The following CPAMD8 variants were observed in gnomAD, a reference collection of about 807,000 sequenced individuals.
CPAMD8 encodes C3 and PZP like alpha-2-macroglobulin domain containing 8, also known as C3 and PZP-like alpha-2-macroglobulin domain-containing protein 8.
CPAMD8 carries 146 observed loss-of-function variants against 224.7 expected under a neutral mutation model. The ratio of observed to expected loss-of-function variants is 0.65; its 90% CI spans 0.57 to 0.75. CPAMD8 has a LOEUF of 0.75. CPAMD8 is among the 30% of genes least tolerant of loss of function. The probability of loss-of-function intolerance (pLI) is 0.00; values close to 1 mark genes in which losing one functional copy is unlikely to be tolerated. For synonymous variants in CPAMD8, 966 were observed against 1,044.6 expected, an observed-to-expected ratio of 0.92 and a Z score of 1.45; for missense variants, 2,301 against 2,537.5, an observed-to-expected ratio of 0.91 and a Z score of 2.00.
intron 3 of CPAMD8, 105 bp from the exon 4 acceptor site, chr19:17,011,862 A>G (rs1052746661): frequency 1.5e-5 from 20 of 1,313,298 alleles, no homozygotes; most frequent in Middle Eastern, 2.0e-4. Context: ...TCACCCCAGG[A>G]GTGACTGTGC....
intron 22 of CPAMD8, among the ~76,000 whole-genome samples, chr19:16,943,003 TC>T (rs2053952352): frequency 1.4e-5 from 2 of 140,794 alleles, no homozygotes; most frequent in African/African-American, 2.8e-5. Context: ...TTTTCTTTTT[TC>T]TTTTTTCTTT....
At chr19:16,971,161 ATTC>A (rs1437518773) in intron 17 of CPAMD8, 128 bp from the exon 18 acceptor site, 4 of 796,804 alleles carry the variant, frequency 5.0e-6, no homozygotes, top group African/African-American at 1.8e-5. Flanking sequence ...TGGGGGCATC[ATTC>A]TTTTTTTGCT....
chr19:16,895,883 A>G (rs778490027), intron 41 of CPAMD8: 11 of 547,288 alleles, frequency 2.0e-5, no homozygotes, highest in Non-Finnish European at 3.5e-5. Context: ...CTTGACCCGT[A>G]TGCGCGCGCG....
intron 27 of CPAMD8, among the ~76,000 whole-genome samples, chr19:16,917,728 G>A (rs1057287810): frequency 1.3e-5 from 2 of 152,148 alleles, no homozygotes; most frequent in Admixed American, 6.5e-5. Context: ...GAAACAGAGC[G>A]AGATCTTGTC....
intron 13 of CPAMD8, among the ~76,000 whole-genome samples, chr19:16,987,203 T>TAC (rs1249857735): frequency 3.1e-5 from 4 of 128,444 alleles, no homozygotes; most frequent in African/African-American, 8.9e-5. Context: ...TATATATATA[T>TAC]ATATATGTAT....
chr19:16,912,550 A>G (rs1431706828), intron 29 of CPAMD8, among the ~76,000 whole-genome samples: 1 of 152,156 alleles, frequency 6.6e-6, no homozygotes. Context: ...GGAGTTTGAG[A>G]CCAGCCTGGC....
chr19:16,918,747 CTTTTTTTT>C (rs3029467), intron 27 of CPAMD8, among the ~76,000 whole-genome samples: 1 of 127,510 alleles, frequency 7.8e-6, no homozygotes, highest in Non-Finnish European at 1.6e-5. Flanking sequence ...CACACCCAGA[CTTTTTTTT>C]TTTTTTTTTT....
chr19:17,007,143 G>C (rs1193323916), intron 7 of CPAMD8, among the ~76,000 whole-genome samples: 2 of 152,034 alleles, frequency 1.3e-5, no homozygotes, highest in Non-Finnish European at 2.9e-5. Flanking sequence ...AGACCAGCCT[G>C]GCCAACATGG....
At chr19:16,943,034 G>T (rs574802553) in intron 22 of CPAMD8, among the ~76,000 whole-genome samples, 5 of 140,540 alleles carry the variant, frequency 3.6e-5, no homozygotes, top group Non-Finnish European at 7.5e-5. Flanking sequence ...TTGAGACAGG[G>T]TCTGGCTCTC....
chr19:16,893,309 G>C lies in CPAMD8; in HGVS notation c.5457C>G (p.Ser1819Arg). The change falls in exon 42 of 42, where the codon AGC becomes AGG. Residue 1819 changes from serine (S) to arginine (R), a missense_variant. Physicochemically the swap from Ser to Arg is moderately radical, Grantham distance 110. Around this residue, in one of 4 missense-constraint regions of CPAMD8, gnomAD observed 1,709 missense variants for 1,753.2 expected, o/e 0.97. Transcript: ENST00000443236. ...GGGTGCTGCTTTCCAGGTTCCCGCT[G>C]CTCACAGGAGGCCGAGGCCCGGCTG... ...RVTAGPRPPV[S>R]SGNLESSTQS... 6.5e-7 allele frequency: 1 copy of C among 1,545,630 alleles called. No homozygotes were observed. The highest frequency in any genetic ancestry group is 8.7e-7 in the Non-Finnish European group (1 of 1,143,802).
At chr19:16,998,748 G>GAATATAAAAAA (rs2056214392) in intron 10 of CPAMD8, among the ~76,000 whole-genome samples, 2 of 152,154 alleles carry the variant, frequency 1.3e-5, no homozygotes, top group Admixed American at 6.6e-5. Flanking sequence ...ATAAAATAGT[G>GAATATAAAAAA]CAGCCACATT....
chr19:16,913,642 G>T lies in CPAMD8; in HGVS notation c.3861+782C>A, dbSNP rs566084147. On this transcript the variant is annotated intron_variant, in intron 29 of 41. Transcript: ENST00000443236. ...CAGCCCAAGCTAAGACAGGGCATTA[G>T]GAATTCAGCATAAGAATTTGGTCAG... Among the ~76,000 whole-genome samples the T allele has an allele frequency of 2.1e-4, 32 of 152,218 alleles. No individual in the cohort carries two copies. In the East Asian group the frequency reaches 6.0e-3, roughly 29 times the overall value.
intron 3 of CPAMD8, among the ~76,000 whole-genome samples, chr19:17,012,152 G>A (rs1376781713): frequency 6.6e-6 from 1 of 151,698 alleles, no homozygotes; most frequent in Non-Finnish European, 1.5e-5. Flanking sequence ...CTGAGTAGAT[G>A]GGATTACAGG....
At chr19:16,975,859 C>G in intron 16 of CPAMD8, 143 bp downstream of exon 16, 1 of 807,802 alleles carries the variant, frequency 1.2e-6, no homozygotes, top group African/African-American at 1.8e-5. Flanking sequence ...CATTAGGTTC[C>G]CTGAAAAATG....
intron 17 of CPAMD8, among the ~76,000 whole-genome samples, chr19:16,973,078 A>G (rs1433933099): frequency 6.6e-6 from 1 of 152,090 alleles, no homozygotes; most frequent in Non-Finnish European, 1.5e-5. Context: ...CTGAGGCAGG[A>G]GGATCGCTTG....
At chr19:17,013,008 C>T (rs2056703144) in intron 3 of CPAMD8, among the ~76,000 whole-genome samples, 1 of 151,726 alleles carries the variant, frequency 6.6e-6, no homozygotes, top group South Asian at 2.1e-4. Context: ...CATGGCAAAA[C>T]CCCATCTCTA....
At chr19:16,907,611 A>AG (rs1480200509) in intron 29 of CPAMD8, 2 of 150,622 alleles carry the variant, frequency 1.3e-5, no homozygotes, top group Non-Finnish European at 3.0e-5. Context: ...CGTCTCAAAA[A>AG]AAAAAAAAAA....
intron 13 of CPAMD8, among the ~76,000 whole-genome samples, chr19:16,982,687 A>T (rs934500868): frequency 2.6e-5 from 4 of 152,094 alleles, no homozygotes; most frequent in Non-Finnish European, 2.9e-5. Context: ...ATAATAAAAA[A>T]AATAGCTGGG....
intron 3 of CPAMD8, 63 bp downstream of exon 3, chr19:17,020,268 C>G (rs533337641): frequency 7.8e-5 from 102 of 1,306,058 alleles, no homozygotes; most frequent in Non-Finnish European, 1.1e-4. Context: ...GCCACCACGC[C>G]TGGCCCAATT....
Sources: gnomAD v4.1 joint callset for allele counts (sites outside exome capture counted in the v4.1 genomes callset) on GRCh38, gnomAD v4.1.1 for gene constraint, gnomAD v4.1.1 regional missense constraint, MANE v1.5 for transcripts, NCBI Gene and HGNC (gene_info 2026-07-23, HGNC 2026-07-21) for gene names.